CRB1: variants seen among roughly 807,000 people sequenced by gnomAD.
CRB1 encodes crumbs cell polarity complex component 1.
In CRB1, 83 loss-of-function variants were observed where a neutral mutation model predicts 120.0. The ratio of observed to expected loss-of-function variants is 0.69; its 90% CI spans 0.58 to 0.83. The LOEUF is 0.83. CRB1 is among the 40% of genes least tolerant of loss of function. The pLI is 0.00. For missense variants in CRB1, 1,699 were observed against 1,687.6 expected (o/e 1.01, Z -0.12); for synonymous variants, 625 against 612.5 (o/e 1.02, Z -0.30).
At chr1:197,434,601 C>A in intron 8 of CRB1, 105 bp from the exon 9 acceptor site, 1 of 1,020,370 alleles carries the variant, frequency 9.8e-7, no homozygotes. Flanking sequence ...ATCAAATAGT[C>A]AATATGCAAT....
At chr1:197,365,681 C>T (rs565738577) in intron 5 of CRB1, among the ~76,000 whole-genome samples, 29 of 141,382 alleles carry the variant, frequency 2.1e-4, no homozygotes, top group African/African-American at 7.3e-4. Flanking sequence ...GCCCATTCTT[C>T]CAGGCTCGCC....
At chr1:197,224,052 C>G in the CRB1 span, among the ~76,000 whole-genome samples, 1 of 152,142 alleles carries the variant, frequency 6.6e-6, no homozygotes, top group South Asian at 2.1e-4. Context: ...ATGAGTTCTA[C>G]TTTTTGGAAT....
At chr1:197,204,600 G>A in the CRB1 span, among the ~76,000 whole-genome samples, 1 of 152,012 alleles carries the variant, frequency 6.6e-6, no homozygotes, top group Admixed American at 6.6e-5. Context: ...ATCTATTCAT[G>A]TCTGTAGCCC....
intron 1 of CRB1, among the ~76,000 whole-genome samples, chr1:197,299,312 A>C (rs1656728093): frequency 6.6e-6 from 1 of 152,196 alleles, no homozygotes; most frequent in African/African-American, 2.4e-5. Flanking sequence ...GCCATTTTGC[A>C]TCTAGATTGG....
chr1:197,425,969 C>T (rs1332201371), intron 6 of CRB1, among the ~76,000 whole-genome samples: 1 of 151,732 alleles, frequency 6.6e-6, no homozygotes, highest in Non-Finnish European at 1.5e-5. Context: ...ACAAATCCCA[C>T]ATTATCAGAA....
At chr1:197,246,622 T>C in the CRB1 span, among the ~76,000 whole-genome samples, 2 of 152,118 alleles carry the variant, frequency 1.3e-5, no homozygotes, top group East Asian at 1.9e-4. Context: ...TACAGTTTCC[T>C]GGAAGAAGTC....
intron 6 of CRB1, among the ~76,000 whole-genome samples, chr1:197,423,019 G>A (rs980079575): frequency 2.6e-5 from 4 of 152,032 alleles, no homozygotes; most frequent in African/African-American, 7.2e-5. Flanking sequence ...CTAGCTCTAC[G>A]TAATATTTTA....
At chr1:197,315,569 A>T (rs1340423018) in intron 1 of CRB1, among the ~76,000 whole-genome samples, 1 of 152,240 alleles carries the variant, frequency 6.6e-6, no homozygotes, top group Non-Finnish European at 1.5e-5. Flanking sequence ...TAATTTTTCC[A>T]TTCATATAGA....
rs907888771 is a variant in CRB1 at position 197,428,068 on chromosome 1, C to T, written c.2676+67C>T. The T allele has an allele frequency of 1.4e-5, 19 of 1,390,756 alleles. No homozygotes were observed. In the African/African-American group the frequency reaches 2.6e-4, roughly 19 times the overall value. 86.2% of individuals were successfully genotyped at this position (1,390,756 alleles called of 1,614,324 possible). A position where few individuals can be genotyped will look rare whatever the true frequency, so the allele number is the denominator to read the frequency against. On this transcript the variant is annotated intron_variant, in intron 7 of 11. Transcript: ENST00000367400. ...AACTTTTACTTTATTAAAAAGATAA[C>T]TTATTAAAACCATTCTTTGTATATA...
chr1:197,359,189 C>T (rs188505290), intron 5 of CRB1, among the ~76,000 whole-genome samples: 144 of 152,270 alleles, frequency 9.5e-4, no homozygotes, highest in South Asian at 8.3e-4. Flanking sequence ...AAGTCCACAT[C>T]CAGAACAATT....
chr1:197,232,778 T>C, the CRB1 span, among the ~76,000 whole-genome samples: 103 of 152,216 alleles, frequency 6.8e-4, no homozygotes, highest in Non-Finnish European at 1.0e-3. Flanking sequence ...TATATTTGGG[T>C]AACTATATTC....
chr1:197,226,105 C>T, the CRB1 span, among the ~76,000 whole-genome samples: 6 of 151,996 alleles, frequency 3.9e-5, no homozygotes, highest in African/African-American at 4.8e-5. Flanking sequence ...GATGGGGTTT[C>T]GCCATGTTGC....
chr1:197,203,316 A>G, the CRB1 span, among the ~76,000 whole-genome samples: 1 of 152,056 alleles, frequency 6.6e-6, no homozygotes, highest in South Asian at 2.1e-4. Flanking sequence ...TTCTATCATT[A>G]CTTGACTTTT....
At chr1:197,313,763 C>T (rs565660180) in intron 1 of CRB1, among the ~76,000 whole-genome samples, 2 of 152,148 alleles carry the variant, frequency 1.3e-5, no homozygotes, top group South Asian at 2.1e-4. Context: ...TTCATGTTGC[C>T]GCAAATGACA....
At chr1:197,313,895 A>C (rs1453915017) in intron 1 of CRB1, among the ~76,000 whole-genome samples, 2 of 152,168 alleles carry the variant, frequency 1.3e-5, no homozygotes, top group Non-Finnish European at 2.9e-5. Flanking sequence ...TGGGAGTGCA[A>C]ATATCTCAAG....
chr1:197,440,079 C>A (rs867950825), intron 10 of CRB1: 1 of 152,150 alleles, frequency 6.6e-6, no homozygotes. Flanking sequence ...TAACTGAGAT[C>A]GTTTAGTTGT....
chr1:197,476,871 T>C (rs1667220946), intron 11 of CRB1, among the ~76,000 whole-genome samples: 1 of 152,198 alleles, frequency 6.6e-6, no homozygotes, highest in South Asian at 2.1e-4. Flanking sequence ...AATATTTCTG[T>C]GCAACTCAGT....
At chr1:197,461,563 T>C (rs553832755) in intron 11 of CRB1, among the ~76,000 whole-genome samples, 7 of 152,280 alleles carry the variant, frequency 4.6e-5, no homozygotes, top group Admixed American at 3.9e-4. Context: ...TTAGCTCTCA[T>C]GGCACTGCAA....
chr1:197,324,139 G>A (rs901791317), intron 1 of CRB1, among the ~76,000 whole-genome samples: 1 of 152,150 alleles, frequency 6.6e-6, no homozygotes, highest in Admixed American at 6.5e-5. Flanking sequence ...TAAGAAAGTC[G>A]TGTTTCAAGG....
Sources: gnomAD v4.1 joint callset for allele counts (sites outside exome capture counted in the v4.1 genomes callset) on GRCh38, gnomAD v4.1.1 for gene constraint, MANE v1.5 for transcripts, NCBI Gene and HGNC (gene_info 2026-07-23, HGNC 2026-07-21) for gene names.